Variants in SDK1 observed in about 807,000 individuals in gnomAD.
The protein encoded by SDK1 is sidekick cell adhesion molecule 1, also known as protein sidekick-1.
SDK1 carries 157 observed loss-of-function variants against 245.5 expected under a neutral mutation model. The observed-to-expected ratio is 0.64, with a 90% confidence interval of 0.56 to 0.73. The LOEUF (loss-of-function observed/expected upper bound fraction) is 0.73, where lower values mean the gene tolerates loss of function less well. SDK1 is among the 30% of genes least tolerant of loss of function. The pLI is 0.00. For missense variants in SDK1, 3,583 were observed against 3,002.3 expected (o/e 1.19, Z -4.52); for synonymous variants, 1,647 against 1,278.5 (o/e 1.29, Z -6.15).
intron 22 of SDK1, among the ~76,000 whole-genome samples, chr7:4,102,871 T>C (rs1484173051): frequency 6.7e-6 from 1 of 149,966 alleles, no homozygotes; most frequent in Non-Finnish European, 1.5e-5. Context: ...GGACCGCCCC[T>C]ACCGGGTGGC....
chr7:4,015,119 C>A (rs1263773433), intron 16 of SDK1, among the ~76,000 whole-genome samples: 3 of 152,092 alleles, frequency 2.0e-5, no homozygotes, highest in Non-Finnish European at 4.4e-5. Context: ...CTTTTACATT[C>A]AGTGTCTCCT....
chr7:3,787,741 C>G (rs1780950088), intron 4 of SDK1, among the ~76,000 whole-genome samples: 1 of 152,212 alleles, frequency 6.6e-6, no homozygotes, highest in African/African-American at 2.4e-5. Flanking sequence ...AAAAAACTCT[C>G]TGAAGTTGAC....
chr7:4,013,520 G>C (rs1786151231), intron 16 of SDK1, among the ~76,000 whole-genome samples: 1 of 152,192 alleles, frequency 6.6e-6, no homozygotes, highest in South Asian at 2.1e-4. Context: ...TAATTTCTTA[G>C]ATAAATGTGA....
At chr7:3,941,574 G>A (rs923224975) in intron 5 of SDK1, among the ~76,000 whole-genome samples, 5 of 152,026 alleles carry the variant, frequency 3.3e-5, no homozygotes, top group African/African-American at 7.2e-5. Flanking sequence ...CTGACTGGGG[G>A]ATGCCTATCC....
intron 4 of SDK1, among the ~76,000 whole-genome samples, chr7:3,745,526 C>G (rs768855267): frequency 3.6e-5 from 5 of 140,706 alleles, no homozygotes; most frequent in Middle Eastern, 3.4e-3. Flanking sequence ...TTCAGTATGC[C>G]CTCATTTGCA....
intron 1 of SDK1, among the ~76,000 whole-genome samples, chr7:3,452,852 C>T (rs1780558081): frequency 6.6e-6 from 1 of 152,108 alleles, no homozygotes; most frequent in Non-Finnish European, 1.5e-5. Context: ...TAGGTCATCT[C>T]TTTCTTCCCT....
chr7:4,000,327 C>T (rs1468276038), intron 14 of SDK1, among the ~76,000 whole-genome samples: 2 of 152,212 alleles, frequency 1.3e-5, no homozygotes, highest in Non-Finnish European at 1.5e-5. Flanking sequence ...CCCCCAGCGG[C>T]CTGATGCTTT....
intron 1 of SDK1, among the ~76,000 whole-genome samples, chr7:3,555,559 A>T (rs1276307893): frequency 6.6e-6 from 1 of 152,216 alleles, no homozygotes. Context: ...CAAACAAAGC[A>T]AAAATGGACA....
chr7:3,614,454 A>G (rs1459759439), intron 1 of SDK1, among the ~76,000 whole-genome samples: 2 of 152,220 alleles, frequency 1.3e-5, no homozygotes, highest in Admixed American at 6.5e-5. Flanking sequence ...GCTTTTCCCC[A>G]GGTCAGAGTT....
chr7:3,983,542 A>G (rs1309959390), intron 13 of SDK1, among the ~76,000 whole-genome samples: 1 of 152,246 alleles, frequency 6.6e-6, no homozygotes, highest in Non-Finnish European at 1.5e-5. Context: ...TGCACACTTA[A>G]TAGACTGCAG....
intron 1 of SDK1, among the ~76,000 whole-genome samples, chr7:3,328,797 A>T (rs182679517): frequency 2.0e-5 from 3 of 152,106 alleles, no homozygotes; most frequent in Non-Finnish European, 4.4e-5. Context: ...CACATGGACT[A>T]TACAGTTCAG....
chr7:3,847,037 C>T lies in SDK1; in HGVS notation c.847+25454C>T, dbSNP rs376466304. Among the ~76,000 whole-genome samples, 19 of 152,214 alleles carry T rather than the reference C, an allele frequency of 1.2e-4. 1 individual carries two copies. The East Asian group carries it at 1.7e-3, about 14-fold the overall frequency. On this transcript the variant is annotated intron_variant, in intron 5 of 44. Coordinates refer to ENST00000404826, the MANE Select transcript of SDK1 (RefSeq NM_152744.4). Reference sequence around the variant, plus strand: ...AGGTTTTCTAGTCTCTGACAGCTGCCGCTTAGTGTAATCACGCTTCTTTTT... The same window carrying T: ...AGGTTTTCTAGTCTCTGACAGCTGCTGCTTAGTGTAATCACGCTTCTTTTT...
chr7:4,116,941 T>A (rs1331323400), intron 25 of SDK1, among the ~76,000 whole-genome samples: 1 of 152,156 alleles, frequency 6.6e-6, no homozygotes, highest in African/African-American at 2.4e-5. Flanking sequence ...TTCATTACGT[T>A]CCAAAGGAAA....
intron 1 of SDK1, among the ~76,000 whole-genome samples, chr7:3,567,019 A>G (rs1192625967): frequency 2.0e-5 from 3 of 152,210 alleles, no homozygotes; most frequent in Non-Finnish European, 2.9e-5. Flanking sequence ...AATTAGGCCC[A>G]GAAATACTGA....
At chr7:3,371,165 C>T (rs1436864290) in intron 1 of SDK1, among the ~76,000 whole-genome samples, 2 of 152,114 alleles carry the variant, frequency 1.3e-5, no homozygotes, top group African/African-American at 4.8e-5. Flanking sequence ...ATATGTCACA[C>T]GTTACTAGCC....
chr7:3,383,442 C>A (rs929187818), intron 1 of SDK1, among the ~76,000 whole-genome samples: 4 of 152,034 alleles, frequency 2.6e-5, no homozygotes, highest in Non-Finnish European at 4.4e-5. Flanking sequence ...TTTCCCTCTC[C>A]CCAGTTTGGA....
At chr7:3,723,880 A>ATATATATATACACG in intron 4 of SDK1, among the ~76,000 whole-genome samples, 1 of 127,396 alleles carries the variant, frequency 7.8e-6, no homozygotes, top group Non-Finnish European at 1.6e-5. Flanking sequence ...ATACACGTAC[A>ATATATATATACACG]TATATATATA....
chr7:4,250,311 T>C (rs1347884445), intron 44 of SDK1, among the ~76,000 whole-genome samples: 1 of 152,006 alleles, frequency 6.6e-6, no homozygotes, highest in Non-Finnish European at 1.5e-5. Context: ...ACAAACATGT[T>C]GTATTTTGCC....
intron 43 of SDK1, among the ~76,000 whole-genome samples, chr7:4,243,646 G>A (rs541990535): frequency 4.6e-5 from 7 of 152,030 alleles, no homozygotes; most frequent in Non-Finnish European, 7.4e-5. Flanking sequence ...TCACTCTCAC[G>A]AGAACAGCAC....
Sources: allele counts gnomAD v4.1 joint callset (sites outside exome capture counted in the v4.1 genomes callset), GRCh38; gene constraint gnomAD v4.1.1; transcripts MANE v1.5; gene names NCBI Gene and HGNC (gene_info 2026-07-23, HGNC 2026-07-21).